CBL: variants seen among roughly 807,000 people sequenced by gnomAD.
CBL encodes the protein Cbl proto-oncogene, also known as E3 ubiquitin-protein ligase CBL.
Under a neutral mutation model 96.9 loss-of-function variants are expected in CBL, and 45 were observed. That is an observed-to-expected ratio of 0.46 (90% CI 0.37 to 0.60). The LOEUF (loss-of-function observed/expected upper bound fraction) is 0.60. Among genes scored for constraint, CBL ranks in the 20% least tolerant of loss-of-function variants. CBL has a pLI of 0.00. For missense variants in CBL, 1,024 were observed against 1,143.5 expected (o/e 0.90, Z 1.51); for synonymous variants, 420 against 426.8 (o/e 0.98, Z 0.20).
At chr11:119,228,321 C>T (rs1436909717) in intron 1 of CBL, among the ~76,000 whole-genome samples, 1 of 152,014 alleles carries the variant, frequency 6.6e-6, no homozygotes, top group East Asian at 1.9e-4. Flanking sequence ...CAATGTTGTC[C>T]AGGCTGAATT....
intron 9 of CBL, among the ~76,000 whole-genome samples, chr11:119,281,169 A>G (rs1250168604): frequency 2.0e-5 from 3 of 152,134 alleles, no homozygotes; most frequent in East Asian, 1.9e-4. Flanking sequence ...GTGCCACACT[A>G]CTTGTCACCC....
chr11:119,224,936 G>A (rs1949445483), intron 1 of CBL, among the ~76,000 whole-genome samples: 1 of 151,962 alleles, frequency 6.6e-6, no homozygotes, highest in South Asian at 2.1e-4. Context: ...TATTGAAAAA[G>A]AACTTCGTAT....
chr11:119,289,533 C>T (rs537108241), intron 12 of CBL: 2 of 150,516 alleles, frequency 1.3e-5, no homozygotes, highest in African/African-American at 4.9e-5. Context: ...TGTATTATAC[C>T]ATTTCACTCC....
intron 3 of CBL, among the ~76,000 whole-genome samples, chr11:119,273,100 C>G (rs1949860988): frequency 6.6e-6 from 1 of 151,984 alleles, no homozygotes. Context: ...TCCCAAGTAG[C>G]TGGGACTACA....
In CBL at chr11:119,285,021, C is replaced by T. The variant is rs373989524; in HGVS notation, c.1484C>T (p.Pro495Leu). The change falls in exon 10 of 16, where the codon CCG becomes CTG. Residue 495 changes from proline to leucine, a missense_variant. Physicochemically the swap from Pro to Leu is moderately conservative, Grantham distance 98. This residue lies in a region of CBL where 695 missense variants were observed against 661.6 expected (regional missense o/e 1.05). Coordinates refer to ENST00000264033, the MANE Select transcript of CBL (RefSeq NM_005188.4). The part of the protein sequence containing the change: ...FSMAPQASLP[P>L]VPPRLDLLPQ... ...ATGGCCCCACAAGCTTCCCTTCCCC[C>T]GGTGCCACCACGACTTGACCTTCTG... is the stretch of plus-strand genomic sequence containing the variant. The T allele has an allele frequency of 2.2e-5, 36 of 1,614,066 alleles. No homozygotes were observed. The highest frequency in any genetic ancestry group is 5.5e-5 in the South Asian group (5 of 91,084).
At chr11:119,258,965 T>C (rs193052326) in intron 2 of CBL, among the ~76,000 whole-genome samples, 1 of 152,342 alleles carries the variant, frequency 6.6e-6, no homozygotes, top group Admixed American at 6.5e-5. Flanking sequence ...AGCAGTGTTT[T>C]GTCATTCTCC....
chr11:119,241,445 G>A (rs1949586000), intron 2 of CBL, among the ~76,000 whole-genome samples: 1 of 152,164 alleles, frequency 6.6e-6, no homozygotes, highest in Non-Finnish European at 1.5e-5. Flanking sequence ...TTAGTATTGA[G>A]TATTTTGTCT....
intron 1 of CBL, among the ~76,000 whole-genome samples, chr11:119,211,461 G>A (rs1441906350): frequency 1.3e-5 from 2 of 152,004 alleles, no homozygotes; most frequent in African/African-American, 4.8e-5. Context: ...GACTTTGCTG[G>A]GCACACACTA....
Position 119,223,841 on chromosome 11 carries a change from G to A in CBL, c.196-8607G>A, listed in dbSNP as rs1297964451. Among the ~76,000 whole-genome samples, 6 of 152,022 alleles carry A rather than the reference G, an allele frequency of 3.9e-5. 1 individual carries two copies. The highest frequency in any genetic ancestry group is 3.3e-4 in the Admixed American group (5 of 15,236). On this transcript the variant is annotated intron_variant, in intron 1 of 15. Coordinates refer to ENST00000264033, the MANE Select transcript of CBL (RefSeq NM_005188.4). Reference sequence around the variant, plus strand: ...GGGGTTTCACCATGTTGGCCAGGCTGGTCTCGATCTCCTGACCTCATGATC... The same window carrying A: ...GGGGTTTCACCATGTTGGCCAGGCTAGTCTCGATCTCCTGACCTCATGATC...
intron 1 of CBL, among the ~76,000 whole-genome samples, chr11:119,213,387 A>G (rs181197949): frequency 6.6e-6 from 1 of 152,348 alleles, no homozygotes; most frequent in East Asian, 1.9e-4. Context: ...TAAATGATAT[A>G]TAAGTGATGT....
intron 4 of CBL, 32 bp from the exon 5 acceptor site, chr11:119,274,800 T>C (rs1230780612): frequency 6.3e-7 from 1 of 1,597,946 alleles, no homozygotes; most frequent in Non-Finnish European, 8.5e-7. Context: ...ACATCTGACC[T>C]GAATAGTCTG....
At chr11:119,243,809 G>A (rs920927655) in intron 2 of CBL, among the ~76,000 whole-genome samples, 1 of 151,982 alleles carries the variant, frequency 6.6e-6, no homozygotes, top group African/African-American at 2.4e-5. Flanking sequence ...GCTCATTGCA[G>A]CCTCAGCCTC....
intron 2 of CBL, among the ~76,000 whole-genome samples, chr11:119,269,734 G>A (rs550487292): frequency 3.3e-5 from 5 of 152,224 alleles, no homozygotes; most frequent in African/African-American, 1.2e-4. Context: ...GGTGGCTCAC[G>A]CTTGTAATCC....
chr11:119,218,200 C>T (rs1949378640), intron 1 of CBL, among the ~76,000 whole-genome samples: 1 of 152,118 alleles, frequency 6.6e-6, no homozygotes, highest in Non-Finnish European at 1.5e-5. Flanking sequence ...AAAGATGACC[C>T]GGCACTCACA....
chr11:119,263,245 T>C lies in CBL; in HGVS notation c.444-8490T>C, dbSNP rs116479909. Among the ~76,000 whole-genome samples, 1,130 of 152,268 alleles carry C rather than the reference T, an allele frequency of 7.4e-3. 12 individuals carry two copies. The highest frequency in any genetic ancestry group is 0.022 in the African/African-American group (915 of 41,526). On this transcript the variant is annotated intron_variant, in intron 2 of 15. Coordinates refer to ENST00000264033, the MANE Select transcript of CBL (RefSeq NM_005188.4). ...ATTAGAAAGGTGAATTAGGACTACA[T>C]TGTGAGTGCTTTCATGTATCAGGTC...
intron 2 of CBL, among the ~76,000 whole-genome samples, chr11:119,236,771 C>CT (rs923750974): frequency 3.3e-5 from 5 of 151,906 alleles, no homozygotes; most frequent in East Asian, 1.9e-4. Context: ...TTGCTATTGA[C>CT]TTTTTTTATT....
chr11:119,248,496 A>G (rs1053686128), intron 2 of CBL, among the ~76,000 whole-genome samples: 1 of 152,234 alleles, frequency 6.6e-6, no homozygotes, highest in African/African-American at 2.4e-5. Context: ...ATGAAAACAA[A>G]CAACTCTCAA....
intron 9 of CBL, among the ~76,000 whole-genome samples, chr11:119,279,457 C>T (rs1002082404): frequency 3.3e-5 from 5 of 151,104 alleles, no homozygotes; most frequent in Non-Finnish European, 5.9e-5. Context: ...ATAGCAAGAC[C>T]GTATCTTTAC....
intron 4 of CBL, 21 bp from the exon 5 acceptor site, chr11:119,274,811 T>C (rs1202521416): frequency 6.2e-7 from 1 of 1,612,106 alleles, no homozygotes; most frequent in East Asian, 2.2e-5. Flanking sequence ...GAATAGTCTG[T>C]GATTGATCTT....
Sources: gnomAD v4.1 joint callset for allele counts (sites outside exome capture counted in the v4.1 genomes callset) on GRCh38, gnomAD v4.1.1 for gene constraint, gnomAD v4.1.1 regional missense constraint, MANE v1.5 for transcripts, NCBI Gene and HGNC (gene_info 2026-07-23, HGNC 2026-07-21) for gene names.